Variants in LGI2 observed in about 807,000 individuals in gnomAD.
LGI2 encodes the protein leucine rich repeat LGI family member 2.
In LGI2, 30 loss-of-function variants were observed where a neutral mutation model predicts 52.0. The ratio of observed to expected loss-of-function variants is 0.58; its 90% CI spans 0.43 to 0.78. LGI2 has a LOEUF of 0.78. Ranked by LOEUF, LGI2 falls within the 30% of genes least tolerant of loss-of-function variation. LGI2 has a pLI of 0.00. For synonymous variants in LGI2, 270 were observed against 271.8 expected (o/e 0.99, Z 0.06); for missense variants, 573 against 692.5 (o/e 0.83, Z 1.94).
At chr4:24,998,496 T>C (rs1027046453), downstream of LGI2, among the ~76,000 whole-genome samples, 3 of 152,198 alleles carry the variant, frequency 2.0e-5, no homozygotes, top group Admixed American at 6.5e-5. Flanking sequence ...CAGGAGTTCA[T>C]GATGGTTCAA....
At chr4:25,007,054 CTTTT>C (rs1027572712) in intron 7 of LGI2, among the ~76,000 whole-genome samples, 4 of 151,922 alleles carry the variant, frequency 2.6e-5, no homozygotes, top group African/African-American at 7.3e-5. Flanking sequence ...TTATAATCTA[CTTTT>C]TTTTCACTTG....
At chr4:25,022,463 C>T (rs374750375) in intron 4 of LGI2, among the ~76,000 whole-genome samples, 8 of 152,218 alleles carry the variant, frequency 5.3e-5, no homozygotes, top group African/African-American at 1.9e-4. Flanking sequence ...GGCTTGACCG[C>T]GGGGTGGTCC....
chr4:25,012,265 A>AT, intron 7 of LGI2, 70 bp downstream of exon 7: 1 of 1,546,782 alleles, frequency 6.5e-7, no homozygotes. Flanking sequence ...TACAGAGGAC[A>AT]TTCCTCCTCC....
At position 25,004,038 on chromosome 4, in the gene LGI2, A is replaced by G; in HGVS notation, c.1051T>C (p.Ser351Pro). 1 of 1,614,200 alleles carries G rather than the reference A, an allele frequency of 6.2e-7. No individual in the cohort carries two copies. The highest frequency in any genetic ancestry group is 2.2e-5 in the East Asian group (1 of 44,886). ...VIADSSKAGL[S>P]TVYKWNSKGF... ...TTGCTGTTCCATTTATAAACTGTGG[A>G]CAGACCAGCCTTTGAGCTGTCTGCG... Residue 351 changes from serine (S) to proline (P), a missense_variant, in exon 8 of 8, where the codon TCC becomes CCC. By Grantham distance (74) the Ser-to-Pro change is moderately conservative. Transcript: ENST00000382114. The surrounding 1 kb of genome is among the most constrained non-coding windows in gnomAD (Gnocchi z 4.6).
chr4:24,993,787 C>A, the LGI2 span, among the ~76,000 whole-genome samples: 1 of 152,142 alleles, frequency 6.6e-6, no homozygotes, highest in African/African-American at 2.4e-5. Flanking sequence ...TAGAACCTAC[C>A]ATCGGAGGGT....
intron 7 of LGI2, among the ~76,000 whole-genome samples, chr4:25,007,095 T>C (rs1258873877): frequency 3.3e-5 from 5 of 152,208 alleles, no homozygotes; most frequent in South Asian, 2.1e-4. Context: ...CATTTCCTCA[T>C]GTGGATGATT....
intron 4 of LGI2, among the ~76,000 whole-genome samples, chr4:25,023,702 T>C (rs62409674): frequency 0.29 from 43,945 of 152,098 alleles, 6,632 homozygotes; most frequent in Middle Eastern, 0.44. Context: ...ACTGTCTTTA[T>C]GGCAGGCAGG....
intron 6 of LGI2, among the ~76,000 whole-genome samples, chr4:25,014,346 G>A (rs192743173): frequency 6.6e-6 from 1 of 152,124 alleles, no homozygotes; most frequent in African/African-American, 2.4e-5. Context: ...GCCTGTCGTG[G>A]CCCTGTTTTA....
intron 4 of LGI2, among the ~76,000 whole-genome samples, chr4:25,020,631 A>G (rs1401882462): frequency 6.6e-6 from 1 of 152,264 alleles, no homozygotes; most frequent in Non-Finnish European, 1.5e-5. Flanking sequence ...CTGTATCATC[A>G]TAATGACCCA....
intron 5 of LGI2, among the ~76,000 whole-genome samples, chr4:25,018,869 A>C (rs879450518): frequency 2.0e-5 from 3 of 152,142 alleles, no homozygotes; most frequent in Non-Finnish European, 4.4e-5. Context: ...CTAAAAAAAA[A>C]AAAAATACAT....
At chr4:25,008,583 A>G (rs1725470430) in intron 7 of LGI2, among the ~76,000 whole-genome samples, 1 of 149,248 alleles carries the variant, frequency 6.7e-6, no homozygotes, top group African/African-American at 2.5e-5. Flanking sequence ...AAATCCTTAT[A>G]GTATTTCCCT....
chr4:24,992,948 G>T, the LGI2 span, among the ~76,000 whole-genome samples: 1 of 152,194 alleles, frequency 6.6e-6, no homozygotes, highest in African/African-American at 2.4e-5. Flanking sequence ...ATGGAGGGTA[G>T]CCCAGTGGAT....
At position 25,016,046 on chromosome 4, in the gene LGI2, G is replaced by T. The variant is rs544415634; in HGVS notation, c.655+1943C>A. 1.5e-3 allele frequency among the ~76,000 whole-genome samples: 235 copies of T among 152,328 alleles called. 2 individuals carry two copies. Among genetic ancestry groups the T allele is most frequent in the African/African-American group, 5.4e-3 (224 of 41,568 alleles). On this transcript the variant is annotated intron_variant, in intron 6 of 7. Transcript: ENST00000382114. ...GAAGACAAATACTGCATGAGACAGA[G>T]AAGGCTCTAAAATGTGTTAAGGCCT...
chr4:25,016,916 G>A (rs1299080584), intron 6 of LGI2, among the ~76,000 whole-genome samples: 2 of 152,062 alleles, frequency 1.3e-5, no homozygotes, highest in East Asian at 1.9e-4. Flanking sequence ...TTCATACAGC[G>A]GCCTGATCCT....
At chr4:25,012,730 C>A (rs991560911) in intron 6 of LGI2, among the ~76,000 whole-genome samples, 2 of 152,232 alleles carry the variant, frequency 1.3e-5, no homozygotes, top group African/African-American at 4.8e-5. Context: ...GTACAGCTTC[C>A]TGTGGAGAAA....
At chr4:25,008,446 G>A (rs1281999998) in intron 7 of LGI2, among the ~76,000 whole-genome samples, 5 of 151,112 alleles carry the variant, frequency 3.3e-5, no homozygotes, top group South Asian at 2.1e-4. Flanking sequence ...CCAGATACTC[G>A]GGAGGCTGAG....
At chr4:25,020,910 T>C (rs992706763) in intron 4 of LGI2, among the ~76,000 whole-genome samples, 2 of 152,218 alleles carry the variant, frequency 1.3e-5, no homozygotes, top group Admixed American at 1.3e-4. Context: ...GTAATCAGAC[T>C]AAAGCTACTC....
chr4:24,993,369 T>G, the LGI2 span, among the ~76,000 whole-genome samples: 3 of 152,206 alleles, frequency 2.0e-5, no homozygotes, highest in Admixed American at 1.3e-4. Flanking sequence ...GATATGAAAG[T>G]GGCTGCTTTG....
chr4:24,994,923 TCA>T (rs1438602062), downstream of LGI2, among the ~76,000 whole-genome samples: 4 of 152,212 alleles, frequency 2.6e-5, no homozygotes, highest in African/African-American at 9.7e-5. Flanking sequence ...GACCTTATTG[TCA>T]CTAAGAAGTC....
Sources: gnomAD v4.1 joint callset for allele counts (sites outside exome capture counted in the v4.1 genomes callset) on GRCh38, gnomAD v4.1.1 for gene constraint, Gnocchi (gnomAD v3.1) non-coding constraint, MANE v1.5 for transcripts, NCBI Gene and HGNC (gene_info 2026-07-23, HGNC 2026-07-21) for gene names.